HDAC9: variants seen among roughly 807,000 people sequenced by gnomAD.
HDAC9 encodes MEF-2 interacting transcription repressor (MITR) protein.
Under a neutral mutation model 139.4 loss-of-function variants are expected in HDAC9, and 41 were observed. The observed-to-expected ratio is 0.29, with a 90% CI of 0.23 to 0.38. HDAC9 has a LOEUF of 0.38. Ranked by LOEUF, HDAC9 falls within the 10% of genes least tolerant of loss-of-function variation. The pLI, the probability that HDAC9 is intolerant of heterozygous loss-of-function variation, is 1.00. For synonymous variants in HDAC9, 517 were observed against 476.2 expected (o/e 1.09, Z -1.12); for missense variants, 1,147 against 1,297.0 (o/e 0.88, Z 1.78).
chr7:18,524,623 T>G (rs1806198328), intron 2 of HDAC9, among the ~76,000 whole-genome samples: 1 of 152,158 alleles, frequency 6.6e-6, no homozygotes, highest in South Asian at 2.1e-4. Context: ...ATAAAGTTTA[T>G]GTTTGGGGCA....
intron 1 of HDAC9, among the ~76,000 whole-genome samples, chr7:18,459,233 G>C (rs1219533584): frequency 6.6e-6 from 1 of 152,102 alleles, no homozygotes; most frequent in Non-Finnish European, 1.5e-5. Context: ...ACAACTGCCT[G>C]ATATCTGTTA....
chr7:18,298,598 T>C (rs2128228400), intron 1 of HDAC9, among the ~76,000 whole-genome samples: 1 of 152,326 alleles, frequency 6.6e-6, no homozygotes, highest in East Asian at 1.9e-4. Context: ...TCCATGTCCC[T>C]ACAAAGGACA....
At chr7:18,535,146 C>G (rs974299133) in intron 2 of HDAC9, among the ~76,000 whole-genome samples, 1 of 152,164 alleles carries the variant, frequency 6.6e-6, no homozygotes, top group African/African-American at 2.4e-5. Flanking sequence ...TCACTGAACT[C>G]TCCTGCTCAT....
intron 12 of HDAC9, among the ~76,000 whole-genome samples, chr7:18,706,160 C>CTTTTTTTTTTTT (rs1165670432): frequency 1.0e-4 from 9 of 86,758 alleles, no homozygotes; most frequent in Non-Finnish European, 1.7e-4. Flanking sequence ...GAAAGTTTTC[C>CTTTTTTTTTTTT]TTTTTTTTTT....
intron 1 of HDAC9, among the ~76,000 whole-genome samples, chr7:18,310,745 A>G (rs931148219): frequency 6.6e-6 from 1 of 151,918 alleles, no homozygotes; most frequent in Non-Finnish European, 1.5e-5. Context: ...ACTTACAGCT[A>G]TAGAATCAGG....
rs540828965 is a variant in HDAC9, at chr7:18,662,067, T to C, written c.1468-4146T>C. On this transcript the variant is annotated intron_variant, in intron 11 of 25. Coordinates refer to ENST00000686413, the MANE Select transcript of HDAC9 (RefSeq NM_178425.4). ...TCAGGGGTTTGTTAATATTAGAGAT[T>C]TTCCTTAACTTGCTAACGATGGGAA... Among the ~76,000 whole-genome samples the C allele has an allele frequency of 3.9e-5, 6 of 152,246 alleles. No homozygotes were observed. In the South Asian group the frequency reaches 1.2e-3, roughly 32 times the overall value.
intron 2 of HDAC9, among the ~76,000 whole-genome samples, chr7:18,194,002 A>T (rs1018196118): frequency 6.6e-5 from 10 of 152,312 alleles, no homozygotes; most frequent in Middle Eastern, 3.4e-3. Flanking sequence ...ATCAGGGAAT[A>T]GTCCCAAATG....
intron 24 of HDAC9, among the ~76,000 whole-genome samples, chr7:18,960,039 C>CAA (rs1563087624): frequency 6.8e-6 from 1 of 146,494 alleles, no homozygotes; most frequent in East Asian, 2.0e-4. Context: ...CACACACACA[C>CAA]ACAGAGTATT....
intron 2 of HDAC9, among the ~76,000 whole-genome samples, chr7:18,505,122 C>A (rs1408241215): frequency 6.6e-6 from 1 of 152,164 alleles, no homozygotes; most frequent in Non-Finnish European, 1.5e-5. Flanking sequence ...GGAAACCAAG[C>A]TTCTATGAGC....
chr7:18,828,378 G>A (rs1422188206), intron 17 of HDAC9, among the ~76,000 whole-genome samples: 2 of 152,212 alleles, frequency 1.3e-5, no homozygotes, highest in African/African-American at 4.8e-5. Context: ...TGCTGGCTTT[G>A]CAAGGATTTA....
At chr7:18,760,730 C>T (rs973385142) in intron 14 of HDAC9, among the ~76,000 whole-genome samples, 3 of 152,148 alleles carry the variant, frequency 2.0e-5, no homozygotes, top group African/African-American at 7.2e-5. Flanking sequence ...CCCCTGCAGA[C>T]CCCCACCAAT....
intron 2 of HDAC9, among the ~76,000 whole-genome samples, chr7:18,564,338 A>T (rs1821584122): frequency 6.6e-6 from 1 of 152,202 alleles, no homozygotes; most frequent in Non-Finnish European, 1.5e-5. Flanking sequence ...AGCTTTATTG[A>T]TAAATAAATG....
intron 1 of HDAC9, among the ~76,000 whole-genome samples, chr7:18,439,783 T>A (rs1791572373): frequency 6.6e-6 from 1 of 152,158 alleles, no homozygotes; most frequent in Admixed American, 6.5e-5. Flanking sequence ...TCGCTCTTCA[T>A]ACATACACAC....
Position 18,648,550 on chromosome 7 carries a change from G to A in HDAC9, c.1334G>A (p.Arg445His), listed in dbSNP as rs764185312. Residue 445 changes from arginine (R) to histidine (H), a missense_variant, in exon 11 of 26, where the codon CGT becomes CAT. By Grantham distance (29) the Arg-to-His change is conservative (BLOSUM62 0). This residue lies in a region of HDAC9 where 264 missense variants were observed against 273.8 expected (regional missense o/e 0.96). Coordinates refer to ENST00000686413, the MANE Select transcript of HDAC9 (RefSeq NM_178425.4). ...PGIRGTHKLP[R>H]HRPLNRTQSA... ...ATTAGAGGTACCCACAAATTGCCCC[G>A]TCACAGACCCCTGAACCGAACCCAG... 48 of 1,613,464 alleles carry A rather than the reference G, an allele frequency of 3.0e-5. No homozygotes were observed. The highest frequency in any genetic ancestry group is 1.6e-4 in the Middle Eastern group (1 of 6,062).
intron 23 of HDAC9, among the ~76,000 whole-genome samples, chr7:18,952,809 G>A (rs1782889848): frequency 7.2e-6 from 1 of 138,386 alleles, no homozygotes; most frequent in African/African-American, 2.6e-5. Flanking sequence ...CAGAGCGGTG[G>A]TGGTGATGTT....
chr7:18,546,842 C>A (rs573755323), intron 2 of HDAC9, among the ~76,000 whole-genome samples: 74 of 152,128 alleles, frequency 4.9e-4, no homozygotes, highest in Non-Finnish European at 9.3e-4. Flanking sequence ...TGCTTATTTG[C>A]AATGGTCTGT....
chr7:18,564,776 T>G (rs1324144595), intron 2 of HDAC9, among the ~76,000 whole-genome samples: 1 of 151,984 alleles, frequency 6.6e-6, no homozygotes, highest in Non-Finnish European at 1.5e-5. Flanking sequence ...ATTTCAATTT[T>G]ATACCTTTTT....
intron 6 of HDAC9, among the ~76,000 whole-genome samples, chr7:18,606,559 A>G (rs1584017696): frequency 6.6e-6 from 1 of 152,216 alleles, no homozygotes; most frequent in East Asian, 1.9e-4. Context: ...AATTGTAAGG[A>G]CTTTTTGTCG....
chr7:18,379,967 C>T (rs1482013348), intron 1 of HDAC9, among the ~76,000 whole-genome samples: 3 of 152,154 alleles, frequency 2.0e-5, no homozygotes, highest in Non-Finnish European at 4.4e-5. Flanking sequence ...AGGGCAGAAT[C>T]GCTCCTGTTG....
Sources: allele counts gnomAD v4.1 joint callset (sites outside exome capture counted in the v4.1 genomes callset), GRCh38; gene constraint gnomAD v4.1.1; regional missense constraint gnomAD v4.1.1; transcripts MANE v1.5; gene names NCBI Gene and HGNC (gene_info 2026-07-23, HGNC 2026-07-21).